Variants in SZT2 observed in about 807,000 individuals in gnomAD.
SZT2 encodes KICSTOR complex protein SZT2.
SZT2 carries 216 observed loss-of-function variants against 404.2 expected under a neutral mutation model. The observed-to-expected ratio is 0.53, with a 90% CI of 0.48 to 0.60. The LOEUF is 0.60. Ranked by LOEUF, SZT2 falls within the 20% of genes least tolerant of loss-of-function variation. The probability of loss-of-function intolerance (pLI) is 0.00; values close to 1 mark genes in which losing one functional copy is unlikely to be tolerated. For synonymous variants in SZT2, 1,693 were observed against 1,749.9 expected (o/e 0.97, Z 0.81); for missense variants, 3,857 against 4,459.2 (o/e 0.86, Z 3.85).
At chr1:43,419,405 G>A (rs556402901) in intron 7 of SZT2, among the ~76,000 whole-genome samples, 78 of 152,222 alleles carry the variant, frequency 5.1e-4, no homozygotes, top group Admixed American at 2.6e-3. Flanking sequence ...CCTAAAGTTT[G>A]AGAAGTGTTG....
chr1:43,397,824 C>G (rs839760), intron 1 of SZT2, among the ~76,000 whole-genome samples: 1 of 152,000 alleles, frequency 6.6e-6, no homozygotes, highest in South Asian at 2.1e-4. Context: ...CCACTACGCC[C>G]GGCCCCTACA....
At chr1:43,397,110 C>T (rs148120409) in intron 1 of SZT2, among the ~76,000 whole-genome samples, 1 of 152,264 alleles carries the variant, frequency 6.6e-6, no homozygotes, top group African/African-American at 2.4e-5. Context: ...TGTCTTGGCA[C>T]TGTGCTAGGC....
Position 43,424,642 on chromosome 1 carries a change from G to A in SZT2, c.2472-142G>A, listed in dbSNP as rs1371667901. The A allele has an allele frequency of 4.6e-6, 4 of 864,110 alleles. No individual in the cohort carries two copies. The highest frequency in any genetic ancestry group is 7.2e-6 in the Non-Finnish European group (4 of 555,662). 53.5% of individuals were successfully genotyped at this position (864,110 alleles called of 1,614,324 possible). On this transcript the variant is annotated intron_variant, in intron 16 of 71. Transcript: ENST00000634258. This position sits in a 1 kb window ranked among gnomAD's most constrained non-coding sequence, Gnocchi z 4.1. ...CTCACTGGATTTGTTATACCCTGAG[G>A]GACCGCCAGTCTAAGCAGGGCCAGC...
Position 43,424,209 on chromosome 1 carries a change from T to C in SZT2, c.2256-8T>C. 1 of 1,596,046 alleles carries C rather than the reference T, an allele frequency of 6.3e-7. No homozygotes were observed. ...GAGAGATAGCTGGGGAGTTGTCCCA[T>C]TTCCTAGGTATGAGAAGCTGCCCTT... On this transcript the variant is annotated splice_region_variant and splice_polypyrimidine_tract_variant and intron_variant, in intron 15 of 71. Coordinates refer to ENST00000634258, the MANE Select transcript of SZT2 (RefSeq NM_001365999.1). The surrounding 1 kb of genome is among the most constrained non-coding windows in gnomAD (Gnocchi z 4.1).
rs771456366 is a variant in SZT2 at position 43,439,482 on chromosome 1, G to C, written c.6877+40G>C. On this transcript the variant is annotated intron_variant, in intron 49 of 71. Coordinates refer to ENST00000634258, the MANE Select transcript of SZT2 (RefSeq NM_001365999.1). The surrounding 1 kb of genome is among the most constrained non-coding windows in gnomAD (Gnocchi z 4.2). ...ACGGGCCTGTGGCACCACCAGGTGAGGGAAAGCCTTTTGTCATCCTATTGC... is the reference window on the plus strand; with the variant it reads ...ACGGGCCTGTGGCACCACCAGGTGACGGAAAGCCTTTTGTCATCCTATTGC... 8 of 1,598,278 alleles carry C rather than the reference G, an allele frequency of 5.0e-6. No homozygotes were observed. Among genetic ancestry groups the C allele is most frequent in the Non-Finnish European group, 6.0e-6 (7 of 1,170,786 alleles).
chr1:43,404,193 C>G (rs1344474973), intron 3 of SZT2, 187 bp from the exon 4 acceptor site: 1 of 592,190 alleles, frequency 1.7e-6, no homozygotes, highest in Non-Finnish European at 2.9e-6. Context: ...GGCAACAAAG[C>G]AAGACCCTGG....
chr1:43,436,941 C>T (rs950836658), intron 42 of SZT2: 1 of 572,344 alleles, frequency 1.7e-6, no homozygotes, highest in Non-Finnish European at 3.1e-6. Context: ...AGCTCCTTCT[C>T]TAAGTCTCCT....
chr1:43,424,522 C>T lies in SZT2; in HGVS notation c.2471+90C>T. On this transcript the variant is annotated intron_variant, in intron 16 of 71. Coordinates refer to ENST00000634258, the MANE Select transcript of SZT2 (RefSeq NM_001365999.1). This position sits in a 1 kb window ranked among gnomAD's most constrained non-coding sequence, Gnocchi z 4.1. ...AGCAAAAAGCCTATAGCACACACTT[C>T]TCCTCTCTAATTCCCAGTCTGAAGT... 1 of 1,311,766 alleles carries T rather than the reference C, an allele frequency of 7.6e-7. No homozygotes were observed. The highest frequency in any genetic ancestry group is 1.1e-6 in the Non-Finnish European group (1 of 939,886). 81.3% of individuals were successfully genotyped at this position (1,311,766 alleles called of 1,614,324 possible).
chr1:43,453,061 GT>G lies in SZT2; in HGVS notation c.*2583del. The G allele has an allele frequency of 9.5e-7, 1 of 1,047,920 alleles. No homozygotes were observed. Among genetic ancestry groups the G allele is most frequent in the Non-Finnish European group, 1.5e-6 (1 of 683,860 alleles). The allele number at this position is 1,047,920 out of a possible 1,614,324, so 64.9% of individuals were successfully genotyped here. A position where few individuals can be genotyped will look rare whatever the true frequency, so the allele number is the denominator to read the frequency against. ...AGCAGCTTTCTCTGATCCAGACAGG[GT>G]TAGGTGCCTACCCTGCTCCCACAGC... On this transcript the variant is annotated 3_prime_UTR_variant, in exon 72 of 72. Coordinates refer to ENST00000634258, the MANE Select transcript of SZT2 (RefSeq NM_001365999.1).
intron 63 of SZT2, 88 bp from the exon 64 acceptor site, chr1:43,446,091 C>T: frequency 1.3e-6 from 2 of 1,582,194 alleles, no homozygotes; most frequent in Non-Finnish European, 1.7e-6. Context: ...CAGACTGACA[C>T]CATTAAAGTC....
chr1:43,437,296 A>G lies in SZT2; in HGVS notation c.6160A>G (p.Met2054Val). Residue 2054 changes from methionine (M) to valine (V), a missense_variant, in exon 43 of 72, where the codon ATG (methionine) becomes GTG (valine). Transcript: ENST00000634258. The surrounding 1 kb of genome is among the most constrained non-coding windows in gnomAD (Gnocchi z 5.3). Reference protein sequence around the residue: ...TVIRVHSRLKMGPSMGVSRAI... With the variant: ...TVIRVHSRLKVGPSMGVSRAI... ...GATCCGAGTCCATTCACGCCTCAAA[A>G]TGGGGCCCAGCATGGGGGTCTCTCG... 2.5e-6 allele frequency: 4 copies of G among 1,613,884 alleles called. No homozygotes were observed. The highest frequency in any genetic ancestry group is 3.4e-6 in the Non-Finnish European group (4 of 1,179,958).
At position 43,442,906 on chromosome 1, in the gene SZT2, C is replaced by G. The variant is rs751868067; in HGVS notation, c.8239C>G (p.Leu2747Val). The change falls in exon 59 of 72, where the codon CTG becomes GTG. Residue 2747 changes from leucine to valine, a missense_variant. Around this residue, in one of 7 missense-constraint regions of SZT2, gnomAD observed 573 missense variants for 592.4 expected, o/e 0.97. Coordinates refer to ENST00000634258, the MANE Select transcript of SZT2 (RefSeq NM_001365999.1). This position sits in a 1 kb window ranked among gnomAD's most constrained non-coding sequence, Gnocchi z 4.5. Reference sequence around the variant, plus strand: ...CCCGCTGAGCCGTGAGCAGGGCCGACTGAGTGGGTCCTCTCGTGGTGGGGG... The same window carrying G: ...CCCGCTGAGCCGTGAGCAGGGCCGAGTGAGTGGGTCCTCTCGTGGTGGGGG... ...SPPLSREQGRLSGSSRGGGPL... is the reference protein window; with the variant it reads ...SPPLSREQGRVSGSSRGGGPL... The G allele has an allele frequency of 1.1e-5, 17 of 1,614,136 alleles. No individual in the cohort carries two copies. The highest frequency in any genetic ancestry group is 1.4e-5 in the Non-Finnish European group (17 of 1,179,988).
chr1:43,440,065 G>C lies in SZT2; in HGVS notation c.7210+17G>C, dbSNP rs764485411. 2 of 1,613,492 alleles carry C rather than the reference G, an allele frequency of 1.2e-6. No homozygotes were observed. The highest frequency in any genetic ancestry group is 8.5e-7 in the Non-Finnish European group (1 of 1,179,774). On this transcript the variant is annotated intron_variant, in intron 51 of 71. Coordinates refer to ENST00000634258, the MANE Select transcript of SZT2 (RefSeq NM_001365999.1). ...CACCCACAGGTATGCAAGTCAAGAG[G>C]TCCCTGGGGTCCAGAGAATGTCACA...
Position 43,423,283 on chromosome 1 carries a change from T to C in SZT2, c.2222T>C (p.Val741Ala). Residue 741 changes from valine (V) to alanine (A), a missense_variant, in exon 15 of 72, where the codon GTC becomes GCC. This residue lies in a region of SZT2 where 1,725 missense variants were observed against 1,881.0 expected (regional missense o/e 0.92). Transcript: ENST00000634258. ...CTGTCTGACCGGCCCTGCCTTGTGG[T>C]CCTGCATAAGCCACTGGACAAACTG... is the stretch of plus-strand genomic sequence containing the variant. ...QALSDRPCLV[V>A]LHKPLDKLLI... is the part of the protein sequence containing the mutation. 6.4e-7 allele frequency: 1 copy of C among 1,558,960 alleles called. No homozygotes were observed. The highest frequency in any genetic ancestry group is 8.6e-7 in the Non-Finnish European group (1 of 1,161,162).
In SZT2 at chr1:43,442,506, G is replaced by A. The variant is rs144218947; in HGVS notation, c.8039G>A (p.Arg2680His). The A allele has an allele frequency of 1.9e-4, 313 of 1,614,016 alleles. No homozygotes were observed. Among genetic ancestry groups the A allele is most frequent in the Non-Finnish European group, 2.5e-4 (293 of 1,180,018 alleles). ...LGAALGRALV[R>H]LVQWQNARAH... Reference sequence around the variant, plus strand: ...GCAGCATTGGGCCGAGCGCTGGTTCGCCTGGTGCAGTGGCAGAATGCACGA... The same window carrying A: ...GCAGCATTGGGCCGAGCGCTGGTTCACCTGGTGCAGTGGCAGAATGCACGA... Residue 2680 changes from arginine to histidine, a missense_variant, in exon 58 of 72, where the codon CGC (arginine) becomes CAC (histidine). Arg to His is a conservative substitution (Grantham distance 29, BLOSUM62 0). Around this residue, in one of 7 missense-constraint regions of SZT2, gnomAD observed 573 missense variants for 592.4 expected, o/e 0.97. Coordinates refer to ENST00000634258, the MANE Select transcript of SZT2 (RefSeq NM_001365999.1). This position sits in a 1 kb window ranked among gnomAD's most constrained non-coding sequence, Gnocchi z 4.5.
chr1:43,400,584 T>A (rs974186406), intron 1 of SZT2, among the ~76,000 whole-genome samples: 1 of 152,146 alleles, frequency 6.6e-6, no homozygotes, highest in African/African-American at 2.4e-5. Flanking sequence ...GTAAAAAACT[T>A]GTATAGGGCA....
rs949427907 is a variant in SZT2, at chr1:43,453,611, C to G, written c.*3131C>G. Reference sequence around the variant, plus strand: ...GCGACGCACCCGGGGGCGTGTTGATCAGTACAAGCCGCAGCCCCGCTTCTC... The same window carrying G: ...GCGACGCACCCGGGGGCGTGTTGATGAGTACAAGCCGCAGCCCCGCTTCTC... On this transcript the variant is annotated 3_prime_UTR_variant, in exon 72 of 72. Coordinates refer to ENST00000634258, the MANE Select transcript of SZT2 (RefSeq NM_001365999.1). 7 of 1,496,842 alleles carry G rather than the reference C, an allele frequency of 4.7e-6. No homozygotes were observed. The highest frequency in any genetic ancestry group is 6.2e-6 in the Non-Finnish European group (7 of 1,127,400). The allele number at this position is 1,496,842 out of a possible 1,614,324, so 92.7% of individuals were successfully genotyped here.
intron 1 of SZT2, chr1:43,394,208 T>A: frequency 4.4e-5 from 12 of 270,822 alleles, no homozygotes; most frequent in Non-Finnish European, 6.6e-5. Context: ...CATCAACTCT[T>A]TTTTTTTTTT....
intron 7 of SZT2, among the ~76,000 whole-genome samples, chr1:43,418,198 G>C (rs1047183537): frequency 4.6e-5 from 7 of 152,292 alleles, no homozygotes; most frequent in Admixed American, 3.9e-4. Flanking sequence ...AAACAGCAGA[G>C]CAAGAGAGAG....
Sources: gnomAD v4.1 joint callset for allele counts (sites outside exome capture counted in the v4.1 genomes callset) on GRCh38, gnomAD v4.1.1 for gene constraint, gnomAD v4.1.1 regional missense constraint, Gnocchi (gnomAD v3.1) non-coding constraint, MANE v1.5 for transcripts, NCBI Gene and HGNC (gene_info 2026-07-23, HGNC 2026-07-21) for gene names.